The following INSR variants were observed in gnomAD, a reference collection of about 807,000 sequenced individuals.
The protein encoded by INSR is insulin receptor, also known as IR.
INSR carries 67 observed loss-of-function variants against 142.6 expected under a neutral mutation model. The observed-to-expected ratio is 0.47, with a 90% confidence interval of 0.39 to 0.58. The LOEUF (loss-of-function observed/expected upper bound fraction) is 0.58, where lower values mean the gene tolerates loss of function less well. Among genes scored for constraint, INSR ranks in the 20% least tolerant of loss-of-function variants. The probability of loss-of-function intolerance (pLI) is 0.00; values close to 1 mark genes in which losing one functional copy is unlikely to be tolerated. For synonymous variants in INSR, 756 were observed against 743.1 expected, an observed-to-expected ratio of 1.02 and a Z score of -0.28; for missense variants, 1,248 against 1,833.2, an observed-to-expected ratio of 0.68 and a Z score of 5.83.
intron 2 of INSR, among the ~76,000 whole-genome samples, chr19:7,229,327 TGG>T (rs1491581597): frequency 2.3e-4 from 16 of 69,160 alleles, no homozygotes; most frequent in Admixed American, 4.3e-4. Flanking sequence ...GATGGATGGA[TGG>T]ATAGATGGAT....
At chr19:7,174,839 T>TTG (rs145389093) in intron 3 of INSR, 108 bp from the exon 4 acceptor site, 823 of 1,118,750 alleles carry the variant, frequency 7.4e-4, no homozygotes, top group Non-Finnish European at 8.9e-4. Context: ...TGGTATTTCT[T>TTG]TGTGTGTGTG....
At chr19:7,170,084 T>C (rs1973979757) in intron 6 of INSR, among the ~76,000 whole-genome samples, 1 of 152,120 alleles carries the variant, frequency 6.6e-6, no homozygotes, top group African/African-American at 2.4e-5. Flanking sequence ...AGGTGAGTGA[T>C]AGGTGAGCAA....
At chr19:7,126,486 TC>T (rs1432255990) in intron 16 of INSR, 97 bp downstream of exon 16, 1 of 1,124,404 alleles carries the variant, frequency 8.9e-7, no homozygotes, top group Non-Finnish European at 1.3e-6. Flanking sequence ...TTTCTTGGCC[TC>T]CCTGGGGAAC....
In INSR at chr19:7,125,214, C is replaced by CAGG. The variant is rs950845070; in HGVS notation, c.3258+66_3258+68dup. On this transcript the variant is annotated intron_variant, in intron 17 of 21. Coordinates refer to ENST00000302850, the MANE Select transcript of INSR (RefSeq NM_000208.4). This position sits in a 1 kb window ranked among gnomAD's most constrained non-coding sequence, Gnocchi z 4.9. Reference sequence around the variant, plus strand: ...ACCCTGTGTCCTCTGTCGCTCTGTGCAGGAGGAGGAGGCAGAGAAAGGGAA... The same window carrying CAGG: ...ACCCTGTGTCCTCTGTCGCTCTGTGCAGGAGGAGGAGGAGGCAGAGAAAGGGAA... 2.4e-5 allele frequency: 38 copies of CAGG among 1,592,662 alleles called. No homozygotes were observed. In the African/African-American group the frequency reaches 3.6e-4, roughly 15 times the overall value.
At chr19:7,163,948 A>AAAAAAAAAAAAAGAAT (rs1411048837) in intron 8 of INSR, among the ~76,000 whole-genome samples, 1 of 136,032 alleles carries the variant, frequency 7.4e-6, no homozygotes, top group Non-Finnish European at 1.5e-5. Flanking sequence ...AAAAAAAAAA[A>AAAAAAAAAAAAAGAAT]ATTAGCTGGA....
intron 1 of INSR, among the ~76,000 whole-genome samples, chr19:7,292,478 G>GGT (rs1968523042): frequency 1.3e-5 from 2 of 149,092 alleles, no homozygotes; most frequent in African/African-American, 4.9e-5. Context: ...GCTGGGGGGG[G>GGT]GTGGGCCCGG....
chr19:7,140,478 C>A (rs1332778287), intron 13 of INSR, among the ~76,000 whole-genome samples: 1 of 152,152 alleles, frequency 6.6e-6, no homozygotes, highest in African/African-American at 2.4e-5. Flanking sequence ...CTATCCAGAC[C>A]TTTATGGTAA....
Position 7,119,350 on chromosome 19 carries a change from G to A in INSR, c.3794+99C>T. 1 of 1,322,598 alleles carries A rather than the reference G, an allele frequency of 7.6e-7. No individual in the cohort carries two copies. Among genetic ancestry groups the A allele is most frequent in the Non-Finnish European group, 1.1e-6 (1 of 916,000 alleles). The allele number at this position is 1,322,598 out of a possible 1,614,324, so 81.9% of individuals were successfully genotyped here. On this transcript the variant is annotated intron_variant, in intron 21 of 21. Coordinates refer to ENST00000302850, the MANE Select transcript of INSR (RefSeq NM_000208.4). This position sits in a 1 kb window ranked among gnomAD's most constrained non-coding sequence, Gnocchi z 5.2. ...GTAACATACAGCATGCAAACACGGT[G>A]AGCGTGTAGACATAGGAAAGGCAAA...
At chr19:7,286,199 T>C (rs1968341422) in intron 1 of INSR, among the ~76,000 whole-genome samples, 1 of 151,862 alleles carries the variant, frequency 6.6e-6, no homozygotes, top group African/African-American at 2.4e-5. Context: ...CCCAGGCTGG[T>C]CTTGAACTCC....
Position 7,117,214 on chromosome 19 carries a change from G to A in INSR, c.3991C>T (p.Arg1331Cys), listed in dbSNP as rs374098153. Residue 1331 changes from arginine (R) to cysteine (C), a missense_variant, in exon 22 of 22, where the codon CGT becomes TGT. Coordinates refer to ENST00000302850, the MANE Select transcript of INSR (RefSeq NM_000208.4). The stretch of plus-strand genomic sequence containing the variant: ...TCCTCCCTCTGACAGTGCGAGGAAC[G>A]GTCCAGGGGCACATTCTCCATGTCC... ...FEDMENVPLD[R>C]SSHCQREEAG... The A allele has an allele frequency of 1.5e-4, 238 of 1,614,134 alleles. No homozygotes were observed. The highest frequency in any genetic ancestry group is 2.0e-4 in the Non-Finnish European group (231 of 1,180,024).
intron 2 of INSR, among the ~76,000 whole-genome samples, chr19:7,202,602 C>A (rs969442627): frequency 6.6e-6 from 1 of 151,386 alleles, no homozygotes; most frequent in Non-Finnish European, 1.5e-5. Context: ...GGGGTTCAAG[C>A]GGTTCTCCTG....
chr19:7,290,116 C>G (rs1968451615), intron 1 of INSR, among the ~76,000 whole-genome samples: 1 of 152,148 alleles, frequency 6.6e-6, no homozygotes, highest in Non-Finnish European at 1.5e-5. Flanking sequence ...ATAAGAATAA[C>G]TGCAGAGGCC....
chr19:7,139,031 A>C (rs1165794763), intron 13 of INSR, among the ~76,000 whole-genome samples: 2 of 152,178 alleles, frequency 1.3e-5, no homozygotes, highest in African/African-American at 4.8e-5. Flanking sequence ...CCAAAGGGAC[A>C]CTAGCAAATG....
intron 1 of INSR, among the ~76,000 whole-genome samples, chr19:7,278,494 A>C (rs751158048): frequency 1.1e-4 from 16 of 152,194 alleles, no homozygotes; most frequent in Non-Finnish European, 1.9e-4. Flanking sequence ...GAAGACCAAC[A>C]ATTTCCAGGG....
intron 2 of INSR, 33 bp from the exon 3 acceptor site, chr19:7,184,670 A>AGAGAGG (rs1974379447): frequency 1.2e-6 from 1 of 805,400 alleles, no homozygotes; most frequent in African/African-American, 2.9e-5. Context: ...AGGGAAATAA[A>AGAGAGG]TAAATAAATA....
chr19:7,116,784 C>A lies in INSR; in HGVS notation c.*272G>T. The A allele has an allele frequency of 3.9e-6, 1 of 255,734 alleles. No individual in the cohort carries two copies. The allele number at this position is 255,734 out of a possible 1,614,324, so 15.8% of individuals were successfully genotyped here. On this transcript the variant is annotated 3_prime_UTR_variant, in exon 22 of 22. Coordinates refer to ENST00000302850, the MANE Select transcript of INSR (RefSeq NM_000208.4). The stretch of plus-strand genomic sequence containing the variant: ...GGGGCGGGTGGGGGGAACGAAAAAA[C>A]ACAAAATCCTGGTTTGAAACCGTCG...
At chr19:7,126,510 C>G in intron 16 of INSR, 74 bp downstream of exon 16, 1 of 1,333,358 alleles carries the variant, frequency 7.5e-7, no homozygotes, top group East Asian at 2.5e-5. Flanking sequence ...ATCCTTCACT[C>G]TCACTCAATG....
chr19:7,119,649 C>T lies in INSR; in HGVS notation c.3660-66G>A. On this transcript the variant is annotated intron_variant, in intron 20 of 21. Transcript: ENST00000302850. The surrounding 1 kb of genome is among the most constrained non-coding windows in gnomAD (Gnocchi z 5.2). Reference sequence around the variant, plus strand: ...AGACACACACACACACGCGCGCGCGCAAACACACACACGCAAACGCACACA... The same window carrying T: ...AGACACACACACACACGCGCGCGCGTAAACACACACACGCAAACGCACACA... The T allele has an allele frequency of 6.4e-7, 1 of 1,560,702 alleles. No individual in the cohort carries two copies. The highest frequency in any genetic ancestry group is 8.8e-7 in the Non-Finnish European group (1 of 1,140,308).
chr19:7,248,754 A>ATTTTT (rs552940485), intron 2 of INSR, among the ~76,000 whole-genome samples: 32,873 of 95,900 alleles, frequency 0.34, 5,881 homozygotes, highest in South Asian at 0.47. Context: ...GTTGGCCAGA[A>ATTTTT]TTTTTTTTTT....
Sources: allele counts gnomAD v4.1 joint callset (sites outside exome capture counted in the v4.1 genomes callset), GRCh38; gene constraint gnomAD v4.1.1; non-coding constraint Gnocchi (gnomAD v3.1); transcripts MANE v1.5; gene names NCBI Gene and HGNC (gene_info 2026-07-23, HGNC 2026-07-21).